The following FAM13A variants were observed in gnomAD, a reference collection of about 807,000 sequenced individuals.
FAM13A encodes family with sequence similarity 13 member A, also known as protein FAM13A.
FAM13A carries 76 observed loss-of-function variants against 129.6 expected under a neutral mutation model. The observed-to-expected ratio is 0.59, with a 90% CI of 0.49 to 0.71. The LOEUF (loss-of-function observed/expected upper bound fraction) is 0.71, where lower values mean the gene tolerates loss of function less well. FAM13A is among the 30% of genes least tolerant of loss of function. The probability of loss-of-function intolerance (pLI) is 0.00; values close to 1 mark genes in which losing one functional copy is unlikely to be tolerated. For missense variants in FAM13A, 1,108 were observed against 1,249.3 expected (o/e 0.89, Z 1.70); for synonymous variants, 443 against 449.9 (o/e 0.98, Z 0.20).
intron 5 of FAM13A, among the ~76,000 whole-genome samples, chr4:88,934,105 T>C (rs928577780): frequency 6.6e-6 from 1 of 152,140 alleles, no homozygotes; most frequent in Non-Finnish European, 1.5e-5. Flanking sequence ...TCTTCATGGC[T>C]TGCTCCCTTG....
intron 7 of FAM13A, among the ~76,000 whole-genome samples, chr4:88,844,955 G>A (rs1038858228): frequency 5.9e-5 from 9 of 152,146 alleles, no homozygotes; most frequent in Admixed American, 5.9e-4. Flanking sequence ...TGACATGAAT[G>A]TGGCTCAGTA....
chr4:89,024,305 C>A (rs951879500), intron 2 of FAM13A, among the ~76,000 whole-genome samples: 2 of 152,092 alleles, frequency 1.3e-5, no homozygotes, highest in Non-Finnish European at 2.9e-5. Flanking sequence ...ACGGCATAAC[C>A]TATAGTATCT....
intron 6 of FAM13A, among the ~76,000 whole-genome samples, chr4:88,858,132 T>C (rs980580632): frequency 3.3e-5 from 5 of 152,196 alleles, no homozygotes; most frequent in African/African-American, 4.8e-5. Context: ...CTACATTGGC[T>C]CTAACTATAT....
chr4:88,849,515 C>G (rs559979867), intron 7 of FAM13A, among the ~76,000 whole-genome samples: 1 of 152,326 alleles, frequency 6.6e-6, no homozygotes, highest in South Asian at 2.1e-4. Context: ...CTTTCTCCCC[C>G]TCCTTATGTC....
At chr4:88,884,410 G>A (rs1210078368) in intron 6 of FAM13A, among the ~76,000 whole-genome samples, 1 of 152,012 alleles carries the variant, frequency 6.6e-6, no homozygotes, top group African/African-American at 2.4e-5. Context: ...CACATGATCA[G>A]CTCAATAGAG....
chr4:88,924,195 A>C (rs1238725132), intron 5 of FAM13A, among the ~76,000 whole-genome samples: 1 of 152,216 alleles, frequency 6.6e-6, no homozygotes, highest in Non-Finnish European at 1.5e-5. Context: ...CAGAATTGGA[A>C]AAAACTACTT....
chr4:88,996,738 T>C (rs185516514), intron 3 of FAM13A, among the ~76,000 whole-genome samples: 273 of 151,902 alleles, frequency 1.8e-3, no homozygotes, highest in Non-Finnish European at 3.0e-3. Context: ...ATGTAGTTGA[T>C]GTCTCCAGCC....
intron 3 of FAM13A, among the ~76,000 whole-genome samples, chr4:88,991,955 C>T (rs1762970558): frequency 6.6e-6 from 1 of 152,150 alleles, no homozygotes; most frequent in South Asian, 2.1e-4. Flanking sequence ...ACTCATTTCC[C>T]ACCATCCTCC....
intron 8 of FAM13A, 63 bp downstream of exon 8, chr4:88,804,948 A>G: frequency 2.2e-6 from 2 of 889,016 alleles, no homozygotes; most frequent in Non-Finnish European, 3.7e-6. Flanking sequence ...GAGCAAATAA[A>G]CCCAAAGAAG....
intron 4 of FAM13A, among the ~76,000 whole-genome samples, chr4:88,971,908 A>G (rs1190918164): frequency 1.3e-5 from 2 of 152,242 alleles, no homozygotes; most frequent in African/African-American, 4.8e-5. Context: ...ATTTACACAT[A>G]TCAAATTTAG....
At chr4:88,807,688 T>C (rs917409278) in intron 7 of FAM13A, among the ~76,000 whole-genome samples, 1 of 152,202 alleles carries the variant, frequency 6.6e-6, no homozygotes, top group South Asian at 2.1e-4. Context: ...ATGCTTCTGA[T>C]TATGGCAACT....
intron 1 of FAM13A, among the ~76,000 whole-genome samples, chr4:89,038,402 A>G (rs1213120876): frequency 6.6e-6 from 1 of 152,130 alleles, no homozygotes; most frequent in Non-Finnish European, 1.5e-5. Context: ...CCCATCACCA[A>G]ATAAAAGTAG....
chr4:88,731,574 G>T, intron 22 of FAM13A, 146 bp from the exon 23 acceptor site: 1 of 528,368 alleles, frequency 1.9e-6, no homozygotes, highest in Non-Finnish European at 3.3e-6. Flanking sequence ...GCGCGGAAAT[G>T]CATGTTTTCC....
At chr4:88,946,071 A>G (rs1755793762) in intron 4 of FAM13A, among the ~76,000 whole-genome samples, 1 of 140,240 alleles carries the variant, frequency 7.1e-6, no homozygotes, top group Non-Finnish European at 1.5e-5. Context: ...CCTGGATAGA[A>G]CTAGACAAGC....
chr4:89,040,924 T>C (rs1300968821), intron 1 of FAM13A, among the ~76,000 whole-genome samples: 2 of 152,170 alleles, frequency 1.3e-5, no homozygotes, highest in Non-Finnish European at 2.9e-5. Flanking sequence ...TGGCTGAGTC[T>C]TCTGCCCTCC....
At chr4:89,015,238 C>T (rs1766317944) in intron 3 of FAM13A, among the ~76,000 whole-genome samples, 1 of 152,184 alleles carries the variant, frequency 6.6e-6, no homozygotes, top group South Asian at 2.1e-4. Context: ...TTTAATTTCG[C>T]CCCGGTCCTG....
At chr4:88,883,442 A>G in intron 6 of FAM13A, among the ~76,000 whole-genome samples, 1 of 152,152 alleles carries the variant, frequency 6.6e-6, no homozygotes, top group Non-Finnish European at 1.5e-5. Flanking sequence ...CAAGATGGAA[A>G]TTAAAAAATT....
At chr4:88,945,362 T>G (rs1352776093) in intron 4 of FAM13A, among the ~76,000 whole-genome samples, 1 of 152,166 alleles carries the variant, frequency 6.6e-6, no homozygotes, top group Non-Finnish European at 1.5e-5. Flanking sequence ...CCAGAGACAT[T>G]CAACTGCAAA....
chr4:89,005,473 G>T (rs9999873), intron 3 of FAM13A, among the ~76,000 whole-genome samples: 2 of 152,036 alleles, frequency 1.3e-5, no homozygotes, highest in African/African-American at 2.4e-5. Context: ...TCTGTCTTTA[G>T]GTCTTTGAGG....
Sources: allele counts gnomAD v4.1 joint callset (sites outside exome capture counted in the v4.1 genomes callset), GRCh38; gene constraint gnomAD v4.1.1; transcripts MANE v1.5; gene names NCBI Gene and HGNC (gene_info 2026-07-23, HGNC 2026-07-21).